Variants in RGS7 observed in about 807,000 individuals in gnomAD.
The protein encoded by RGS7 is regulator of G protein signaling 7.
A neutral mutation model predicts 81.1 loss-of-function variants in RGS7; 27 were observed. The observed-to-expected ratio is 0.33, with a 90% confidence interval of 0.25 to 0.46. RGS7 has a LOEUF of 0.46. Ranked by LOEUF, RGS7 falls within the 20% of genes least tolerant of loss-of-function variation. The probability of loss-of-function intolerance (pLI) is 1.00; values close to 1 mark genes in which losing one functional copy is unlikely to be tolerated. For missense variants in RGS7, 396 were observed against 607.4 expected (o/e 0.65, Z 3.66); for synonymous variants, 208 against 207.7 (o/e 1.00, Z -0.01).
In RGS7 at chr1:241,111,496, G is replaced by A. The variant is rs576104529; in HGVS notation, c.79-12734C>T. Among the ~76,000 whole-genome samples the A allele has an allele frequency of 7.9e-5, 12 of 152,214 alleles. No homozygotes were observed. In the East Asian group the frequency reaches 1.7e-3, roughly 22 times the overall value. On this transcript the variant is annotated intron_variant, in intron 2 of 18. Transcript: ENST00000440928. ...TGATATTTGTGAGGGAAACCTGGCC[G>A]AGGCCAGATACCATGGTTCATGTAA...
intron 2 of RGS7, among the ~76,000 whole-genome samples, chr1:241,300,088 C>G (rs926458495): frequency 4.0e-5 from 6 of 151,778 alleles, no homozygotes; most frequent in African/African-American, 1.5e-4. Context: ...GCACTCCAAC[C>G]TGGGTGATAG....
At chr1:240,899,906 G>A (rs1336038256) in intron 6 of RGS7, among the ~76,000 whole-genome samples, 1 of 152,126 alleles carries the variant, frequency 6.6e-6, no homozygotes, top group Non-Finnish European at 1.5e-5. Context: ...CATTCTCCCT[G>A]TCAATTTCAG....
At chr1:240,921,862 T>A (rs1252040220) in intron 6 of RGS7, among the ~76,000 whole-genome samples, 4 of 152,062 alleles carry the variant, frequency 2.6e-5, no homozygotes, top group African/African-American at 9.7e-5. Context: ...AATCTCCATA[T>A]AAATCCTAGC....
chr1:241,103,389 C>A (rs61832554), intron 2 of RGS7, among the ~76,000 whole-genome samples: 11,019 of 152,040 alleles, frequency 0.072, 561 homozygotes, highest in Non-Finnish European at 0.11. Context: ...CCTTGGGTCA[C>A]CGAGGATTTT....
At chr1:241,167,516 C>G (rs2070358519) in intron 2 of RGS7, among the ~76,000 whole-genome samples, 2 of 151,648 alleles carry the variant, frequency 1.3e-5, no homozygotes, top group South Asian at 4.2e-4. Flanking sequence ...CTCTTTGGTC[C>G]TCCTCTTTTT....
At chr1:241,247,413 G>T (rs1232981165) in intron 2 of RGS7, among the ~76,000 whole-genome samples, 1 of 152,154 alleles carries the variant, frequency 6.6e-6, no homozygotes, top group Non-Finnish European at 1.5e-5. Flanking sequence ...TTGATGAAGG[G>T]GGCCTGCCGC....
intron 2 of RGS7, among the ~76,000 whole-genome samples, chr1:241,187,285 A>C (rs985228579): frequency 4.6e-5 from 7 of 152,278 alleles, no homozygotes; most frequent in Middle Eastern, 3.4e-3. Flanking sequence ...CTCTCATTTC[A>C]TTTCCCTAGG....
At chr1:241,129,435 C>A (rs1339514285) in intron 2 of RGS7, among the ~76,000 whole-genome samples, 1 of 149,790 alleles carries the variant, frequency 6.7e-6, no homozygotes, top group Non-Finnish European at 1.5e-5. Context: ...ACCTTCCCAG[C>A]CACGACATTA....
rs562211137 is a variant in RGS7, at chr1:240,855,643, A to G, written c.609+12944T>C. ...TCTTGTGGATATATCTTATTTAACC[A>G]CCCCGGTAAGTTGAATAGCTATGCG... On this transcript the variant is annotated intron_variant, in intron 9 of 18. Transcript: ENST00000440928. Among the ~76,000 whole-genome samples the G allele has an allele frequency of 1.4e-4, 22 of 151,842 alleles. No individual in the cohort carries two copies. In the South Asian group the frequency reaches 4.2e-3, roughly 29 times the overall value.
intron 18 of RGS7, among the ~76,000 whole-genome samples, chr1:240,783,982 C>T (rs540886409): frequency 2.1e-5 from 3 of 144,236 alleles, no homozygotes; most frequent in Non-Finnish European, 4.5e-5. Flanking sequence ...TTAAGACCAG[C>T]CTGGCCAACA....
chr1:240,972,840 C>A (rs1683455833), intron 4 of RGS7, among the ~76,000 whole-genome samples: 1 of 142,068 alleles, frequency 7.0e-6, no homozygotes, highest in Admixed American at 7.1e-5. Context: ...GGCAACAACC[C>A]CGCCTCTCAA....
chr1:241,236,394 C>G (rs967821921), intron 2 of RGS7, among the ~76,000 whole-genome samples: 6 of 152,176 alleles, frequency 3.9e-5, no homozygotes, highest in African/African-American at 1.4e-4. Context: ...TTGACAGATA[C>G]TGAATGACCT....
At chr1:241,243,737 C>A (rs1261582263) in intron 2 of RGS7, among the ~76,000 whole-genome samples, 1 of 152,162 alleles carries the variant, frequency 6.6e-6, no homozygotes, top group African/African-American at 2.4e-5. Flanking sequence ...CTACTAAACA[C>A]ACAAATAGAA....
intron 2 of RGS7, among the ~76,000 whole-genome samples, chr1:241,353,231 C>G (rs2083355729): frequency 6.6e-6 from 1 of 152,212 alleles, no homozygotes; most frequent in African/African-American, 2.4e-5. Context: ...AATATCCTAA[C>G]ACACATATTC....
chr1:240,863,227 A>G (rs1037542375), intron 9 of RGS7, among the ~76,000 whole-genome samples: 10 of 152,272 alleles, frequency 6.6e-5, no homozygotes, highest in African/African-American at 2.2e-4. Context: ...TAATCCCAGC[A>G]CTTTGGGAGG....
chr1:241,140,559 A>G (rs2067854326), intron 2 of RGS7, among the ~76,000 whole-genome samples: 1 of 152,154 alleles, frequency 6.6e-6, no homozygotes, highest in African/African-American at 2.4e-5. Context: ...AAGTGCCACC[A>G]TGCTTGGCTA....
chr1:241,240,400 G>A (rs1346698141), intron 2 of RGS7, among the ~76,000 whole-genome samples: 1 of 152,150 alleles, frequency 6.6e-6, no homozygotes, highest in East Asian at 1.9e-4. Context: ...GCAGTAGATA[G>A]GTTTGATGGA....
Position 240,876,541 on chromosome 1 carries a change from CAG to C in RGS7, c.386-6424_386-6423del, listed in dbSNP as rs147406007. On this transcript the variant is annotated intron_variant, in intron 6 of 18. Transcript: ENST00000440928. ...AACCATTTTCCACTCAGCAAAACAG[CAG>C]AGAGTTTAAAGGGGAATAATCCATT... Among the ~76,000 whole-genome samples the C allele has an allele frequency of 1.4e-4, 21 of 152,232 alleles. No homozygotes were observed. In the East Asian group the frequency reaches 3.5e-3, roughly 25 times the overall value.
At position 241,163,436 on chromosome 1, in the gene RGS7, C is replaced by T. The variant is rs1040127976; in HGVS notation, c.79-64674G>A. ...AGCTGTCTTTTGTCGGGGAGATACA[C>T]ATCTGCAGAGAAAATCTGCATTGAT... On this transcript the variant is annotated intron_variant, in intron 2 of 18. Transcript: ENST00000440928. This position sits in a 1 kb window ranked among gnomAD's most constrained non-coding sequence, Gnocchi z 4.6. Among the ~76,000 whole-genome samples the T allele has an allele frequency of 6.6e-6, 1 of 152,192 alleles. No homozygotes were observed. Among genetic ancestry groups the T allele is most frequent in the Admixed American group, 6.5e-5 (1 of 15,282 alleles).
Sources: allele counts gnomAD v4.1 joint callset (sites outside exome capture counted in the v4.1 genomes callset), GRCh38; gene constraint gnomAD v4.1.1; non-coding constraint Gnocchi (gnomAD v3.1); transcripts MANE v1.5; gene names NCBI Gene and HGNC (gene_info 2026-07-23, HGNC 2026-07-21).